The following TMEM45A variants were observed in gnomAD, a reference collection of about 807,000 sequenced individuals.
The protein encoded by TMEM45A is DNA polymerase-transactivated protein 4.
Under a neutral mutation model 32.0 loss-of-function variants are expected in TMEM45A, and 25 were observed. The observed-to-expected ratio is 0.78, with a 90% confidence interval of 0.57 to 1.09. The LOEUF (loss-of-function observed/expected upper bound fraction) is 1.09, where lower values mean the gene tolerates loss of function less well. TMEM45A is among the 50% of genes least tolerant of loss of function. The pLI is 0.00. For missense variants in TMEM45A, 302 were observed against 325.0 expected (o/e 0.93, Z 0.54); for synonymous variants, 122 against 114.8 (o/e 1.06, Z -0.40).
chr3:100,567,214 T>G (rs529429385), intron 4 of TMEM45A, among the ~76,000 whole-genome samples: 3 of 151,916 alleles, frequency 2.0e-5, no homozygotes, highest in African/African-American at 7.2e-5. Flanking sequence ...CCAAATTCAT[T>G]TTTTTTCATG....
intron 1 of TMEM45A, among the ~76,000 whole-genome samples, chr3:100,528,956 T>C (rs1705598046): frequency 6.6e-6 from 1 of 152,144 alleles, no homozygotes; most frequent in African/African-American, 2.4e-5. Context: ...GCCTTAAGGG[T>C]CAGATAGTTT....
At chr3:100,542,609 C>A (rs1376074515) in intron 1 of TMEM45A, among the ~76,000 whole-genome samples, 1 of 152,120 alleles carries the variant, frequency 6.6e-6, no homozygotes. Context: ...ATCACAGCAC[C>A]ATTCACAATA....
intron 1 of TMEM45A, among the ~76,000 whole-genome samples, chr3:100,496,182 C>T (rs1201216591): frequency 6.6e-6 from 1 of 152,114 alleles, no homozygotes; most frequent in Non-Finnish European, 1.5e-5. Flanking sequence ...TCTAGAGGCC[C>T]TTTTTCTCTC....
rs535140948 is a variant in TMEM45A, at chr3:100,537,062, C to T, written c.-3-18147C>T. Among the ~76,000 whole-genome samples the T allele has an allele frequency of 3.9e-5, 6 of 152,230 alleles. No homozygotes were observed. The South Asian group carries it at 6.2e-4, about 16-fold the overall frequency. On this transcript the variant is annotated intron_variant, in intron 1 of 5. Coordinates refer to ENST00000323523, the MANE Select transcript of TMEM45A (RefSeq NM_018004.3). ...TCAGCCTCCTGAGTAGCTGGGATTA[C>T]GGGCACCCCACAACCATGCCTGGCT... is the stretch of plus-strand genomic sequence containing the variant.
intron 1 of TMEM45A, among the ~76,000 whole-genome samples, chr3:100,539,473 G>GTA (rs1705814459): frequency 7.1e-6 from 1 of 141,130 alleles, no homozygotes; most frequent in South Asian, 2.3e-4. Context: ...ATATGTATAT[G>GTA]TATATGTATA....
chr3:100,539,481 A>AGATG (rs1705815489), intron 1 of TMEM45A, among the ~76,000 whole-genome samples: 1 of 141,472 alleles, frequency 7.1e-6, no homozygotes, highest in Admixed American at 7.0e-5. Flanking sequence ...ATGTATATGT[A>AGATG]TATGTATATG....
At chr3:100,513,908 C>A (rs2148939929) in intron 1 of TMEM45A, among the ~76,000 whole-genome samples, 1 of 152,024 alleles carries the variant, frequency 6.6e-6, no homozygotes, top group East Asian at 1.9e-4. Context: ...ACCTAGGAAT[C>A]CAACTTACAA....
intron 4 of TMEM45A, among the ~76,000 whole-genome samples, chr3:100,566,274 G>A (rs1237904727): frequency 1.3e-5 from 2 of 152,062 alleles, no homozygotes; most frequent in South Asian, 2.1e-4. Context: ...GTTCTTTTGG[G>A]TAGAAGTGAA....
At chr3:100,546,853 C>G (rs1439717214) in intron 1 of TMEM45A, among the ~76,000 whole-genome samples, 2 of 152,168 alleles carry the variant, frequency 1.3e-5, no homozygotes, top group South Asian at 4.1e-4. Context: ...CATACAAGGA[C>G]TTTGAAATCC....
intron 1 of TMEM45A, among the ~76,000 whole-genome samples, chr3:100,538,309 T>C (rs1240513978): frequency 2.0e-5 from 3 of 152,228 alleles, no homozygotes; most frequent in Non-Finnish European, 2.9e-5. Flanking sequence ...GGTCTTCTAT[T>C]ATTTGGCTCT....
chr3:100,518,333 T>C (rs1215830905), intron 1 of TMEM45A, among the ~76,000 whole-genome samples: 2 of 152,222 alleles, frequency 1.3e-5, no homozygotes, highest in Non-Finnish European at 2.9e-5. Flanking sequence ...CTGCTGTCCA[T>C]ACTCTTGTCT....
chr3:100,556,173 G>A (rs1576288243), intron 2 of TMEM45A, among the ~76,000 whole-genome samples: 1 of 152,134 alleles, frequency 6.6e-6, no homozygotes, highest in East Asian at 1.9e-4. Flanking sequence ...TAGAGATGGG[G>A]TTCCACCATG....
At chr3:100,567,040 G>A (rs545996990) in intron 4 of TMEM45A, among the ~76,000 whole-genome samples, 1 of 151,764 alleles carries the variant, frequency 6.6e-6, no homozygotes, top group Admixed American at 6.6e-5. Flanking sequence ...TGGTGTCGTA[G>A]CTTAAAAAAA....
rs1451036118 is a variant in TMEM45A, at chr3:100,549,249, AAAAAAAC to A, written c.-3-5953_-3-5947del. ...GCAACAGAGTGAGATCCTGTCTCAA[AAAAAAAC>A]AAAAAAACAAAAAAACAAACAAAAA... is the stretch of plus-strand genomic sequence containing the variant. On this transcript the variant is annotated intron_variant, in intron 1 of 5. Transcript: ENST00000323523. Among the ~76,000 whole-genome samples, 1,376 of 151,472 alleles carry A rather than the reference AAAAAAAC, an allele frequency of 9.1e-3. 21 individuals carry two copies. Among genetic ancestry groups the A allele is most frequent in the African/African-American group, 0.029 (1,210 of 41,172 alleles).
intron 1 of TMEM45A, among the ~76,000 whole-genome samples, chr3:100,545,799 A>C (rs2148971049): frequency 6.6e-6 from 1 of 152,200 alleles, no homozygotes; most frequent in African/African-American, 2.4e-5. Flanking sequence ...TTTTGTGGTA[A>C]CTGCCAGACT....
At chr3:100,523,281 A>G (rs1421940154) in intron 1 of TMEM45A, among the ~76,000 whole-genome samples, 2 of 152,368 alleles carry the variant, frequency 1.3e-5, no homozygotes, top group Middle Eastern at 3.4e-3. Context: ...AGCTACTGCA[A>G]GAGTACATAC....
chr3:100,520,177 G>A (rs1273958034), intron 1 of TMEM45A, among the ~76,000 whole-genome samples: 1 of 152,148 alleles, frequency 6.6e-6, no homozygotes, highest in East Asian at 1.9e-4. Context: ...ATGTGTTACA[G>A]GGTAAATAAA....
intron 1 of TMEM45A, among the ~76,000 whole-genome samples, chr3:100,525,486 T>A (rs980523511): frequency 6.6e-6 from 1 of 152,102 alleles, no homozygotes; most frequent in Non-Finnish European, 1.5e-5. Context: ...AAAATAAATG[T>A]AAAAAACAAC....
chr3:100,498,628 G>A (rs73152126), intron 1 of TMEM45A, among the ~76,000 whole-genome samples: 34,406 of 151,850 alleles, frequency 0.23, 4,210 homozygotes, highest in East Asian at 0.36. Context: ...TGGAGAACCC[G>A]GGCCTCTAAT....
Sources: gnomAD v4.1 joint callset for allele counts (sites outside exome capture counted in the v4.1 genomes callset) on GRCh38, gnomAD v4.1.1 for gene constraint, MANE v1.5 for transcripts, NCBI Gene and HGNC (gene_info 2026-07-23, HGNC 2026-07-21) for gene names.